Variants in DPP10 observed in about 807,000 individuals in gnomAD.
DPP10 encodes the protein dipeptidyl peptidase like 10, also known as inactive dipeptidyl peptidase 10.
DPP10 carries 33 observed loss-of-function variants against 120.9 expected under a neutral mutation model. The ratio of observed to expected loss-of-function variants is 0.27; its 90% CI spans 0.21 to 0.37. DPP10 has a LOEUF of 0.37. Among genes scored for constraint, DPP10 ranks in the 10% least tolerant of loss-of-function variants. The pLI is 1.00. For synonymous variants in DPP10, 337 were observed against 326.1 expected (o/e 1.03, Z -0.36); for missense variants, 816 against 942.8 (o/e 0.87, Z 1.76).
At chr2:115,116,348 T>A (rs1048084906) in intron 1 of DPP10, among the ~76,000 whole-genome samples, 1 of 152,186 alleles carries the variant, frequency 6.6e-6, no homozygotes, top group Non-Finnish European at 1.5e-5. Context: ...CGCTAATTAT[T>A]TATCTATCTT....
At chr2:115,264,795 A>G (rs906856413) in intron 1 of DPP10, among the ~76,000 whole-genome samples, 1 of 152,184 alleles carries the variant, frequency 6.6e-6, no homozygotes, top group Non-Finnish European at 1.5e-5. Context: ...ATTTATCAAT[A>G]TGTCATCTTT....
chr2:114,909,433 A>G (rs1284347855), intron 1 of DPP10, among the ~76,000 whole-genome samples: 1 of 152,052 alleles, frequency 6.6e-6, no homozygotes, highest in Non-Finnish European at 1.5e-5. Context: ...GCATCTGTGA[A>G]TCTCCAGTAG....
intron 1 of DPP10, among the ~76,000 whole-genome samples, chr2:115,046,996 C>T (rs1280654584): frequency 6.6e-6 from 1 of 151,962 alleles, no homozygotes; most frequent in Non-Finnish European, 1.5e-5. Context: ...ATGAACCTTA[C>T]TCTCATTCAA....
intron 1 of DPP10, among the ~76,000 whole-genome samples, chr2:114,672,053 G>T (rs1698380992): frequency 6.6e-6 from 1 of 151,942 alleles, no homozygotes; most frequent in African/African-American, 2.4e-5. Context: ...TCCTCATGGT[G>T]CTATTATGAT....
Position 115,329,125 on chromosome 2 carries a change from G to T in DPP10, c.176-14692G>T, listed in dbSNP as rs1275073008. Among the ~76,000 whole-genome samples, 3 of 152,122 alleles carry T rather than the reference G, an allele frequency of 2.0e-5. No individual in the cohort carries two copies. In the East Asian group the frequency reaches 5.8e-4, roughly 29 times the overall value. On this transcript the variant is annotated intron_variant, in intron 2 of 25. Coordinates refer to ENST00000410059, the MANE Select transcript of DPP10 (RefSeq NM_020868.6). Reference sequence around the variant, plus strand: ...TATTTCTATATTTGTTGAAAAAAGAGCAGAGTTTTGTGAGAAAACAGAAAG... The same window carrying T: ...TATTTCTATATTTGTTGAAAAAAGATCAGAGTTTTGTGAGAAAACAGAAAG...
At chr2:114,918,007 A>G (rs1313483643) in intron 1 of DPP10, among the ~76,000 whole-genome samples, 2 of 152,172 alleles carry the variant, frequency 1.3e-5, no homozygotes, top group Non-Finnish European at 2.9e-5. Context: ...AACTATCAAC[A>G]GCATAAACAA....
At chr2:114,915,063 G>A (rs937026270) in intron 1 of DPP10, among the ~76,000 whole-genome samples, 15 of 152,064 alleles carry the variant, frequency 9.9e-5, no homozygotes, top group Non-Finnish European at 1.9e-4. Flanking sequence ...CCCGGGAGGC[G>A]GAGCTTGCAG....
intron 2 of DPP10, among the ~76,000 whole-genome samples, chr2:115,328,431 T>A (rs1172248856): frequency 6.6e-6 from 1 of 152,092 alleles, no homozygotes; most frequent in Non-Finnish European, 1.5e-5. Flanking sequence ...ACTTATGTAA[T>A]CAATGGATGA....
intron 5 of DPP10, among the ~76,000 whole-genome samples, chr2:115,677,036 T>C (rs2090320911): frequency 6.6e-6 from 1 of 152,118 alleles, no homozygotes; most frequent in Admixed American, 6.5e-5. Context: ...ATAGTCAAAA[T>C]TCAGGGAAAA....
chr2:114,852,573 C>T (rs903193611), intron 1 of DPP10, among the ~76,000 whole-genome samples: 33 of 151,910 alleles, frequency 2.2e-4, no homozygotes, highest in African/African-American at 7.5e-4. Context: ...TATGCAAATA[C>T]GATACCATTT....
intron 1 of DPP10, among the ~76,000 whole-genome samples, chr2:114,598,138 G>T (rs762883995): frequency 6.6e-6 from 1 of 151,930 alleles, no homozygotes; most frequent in Non-Finnish European, 1.5e-5. Flanking sequence ...TGGCAGGAAA[G>T]CACATAATCC....
intron 1 of DPP10, among the ~76,000 whole-genome samples, chr2:114,856,735 G>C (rs1574352482): frequency 6.6e-6 from 1 of 152,146 alleles, no homozygotes; most frequent in South Asian, 2.1e-4. Context: ...GAGTTGGAAG[G>C]AGAGAGAGCA....
chr2:114,648,382 T>G (rs185231312), intron 1 of DPP10, among the ~76,000 whole-genome samples: 55 of 152,326 alleles, frequency 3.6e-4, no homozygotes, highest in African/African-American at 1.3e-3. Context: ...AATTTCTTCT[T>G]TTTTGGAGCC....
chr2:115,209,892 A>G (rs2056392383), intron 1 of DPP10, among the ~76,000 whole-genome samples: 1 of 152,164 alleles, frequency 6.6e-6, no homozygotes, highest in Admixed American at 6.5e-5. Flanking sequence ...TCATTTCTAT[A>G]ATATCTTAAG....
intron 15 of DPP10, among the ~76,000 whole-genome samples, 160 bp from the exon 16 acceptor site, chr2:115,780,714 G>A (rs754253772): frequency 6.6e-6 from 1 of 151,700 alleles, no homozygotes; most frequent in South Asian, 2.1e-4. Context: ...ACTAATAGAA[G>A]GTGACTTTTT....
chr2:114,851,990 AG>A lies in DPP10; in HGVS notation c.60+409155del, dbSNP rs1463883771. ...CACTGCAAAGGCTGTTGAGGCCTATAGGGTAAAAATATAAGCTCATAACCAT... is the reference window on the plus strand; with the variant it reads ...CACTGCAAAGGCTGTTGAGGCCTATAGGTAAAAATATAAGCTCATAACCAT... On this transcript the variant is annotated intron_variant, in intron 1 of 25. Transcript: ENST00000410059. Among the ~76,000 whole-genome samples the A allele has an allele frequency of 3.9e-5, 6 of 151,974 alleles. No homozygotes were observed. The South Asian group carries it at 1.0e-3, about 26-fold the overall frequency.
chr2:115,310,849 T>G (rs1195695608), intron 2 of DPP10, among the ~76,000 whole-genome samples: 1 of 152,220 alleles, frequency 6.6e-6, no homozygotes, highest in Non-Finnish European at 1.5e-5. Flanking sequence ...ATGGAGGTAT[T>G]CATGTCATAA....
intron 1 of DPP10, among the ~76,000 whole-genome samples, chr2:115,288,956 A>G (rs2060523524): frequency 6.6e-6 from 1 of 152,142 alleles, no homozygotes; most frequent in Non-Finnish European, 1.5e-5. Flanking sequence ...CAATCATGCA[A>G]GAGAAGGAAA....
At chr2:115,048,878 T>C (rs956772206) in intron 1 of DPP10, among the ~76,000 whole-genome samples, 2 of 152,136 alleles carry the variant, frequency 1.3e-5, no homozygotes. Context: ...GCATGTATAA[T>C]TCATTATGTT....
Sources: allele counts gnomAD v4.1 joint callset (sites outside exome capture counted in the v4.1 genomes callset), GRCh38; gene constraint gnomAD v4.1.1; transcripts MANE v1.5; gene names NCBI Gene and HGNC (gene_info 2026-07-23, HGNC 2026-07-21).